RPA1: variants seen among roughly 807,000 people sequenced by gnomAD.
RPA1 encodes replication protein A1.
Under a neutral mutation model 83.0 loss-of-function variants are expected in RPA1, and 49 were observed. The ratio of observed to expected loss-of-function variants is 0.59; its 90% CI spans 0.47 to 0.75. The LOEUF is 0.75. Among genes scored for constraint, RPA1 ranks in the 30% least tolerant of loss-of-function variants. The probability of loss-of-function intolerance (pLI) is 0.00; values close to 1 mark genes in which losing one functional copy is unlikely to be tolerated. For missense variants in RPA1, 693 were observed against 776.1 expected (o/e 0.89, Z 1.27); for synonymous variants, 279 against 281.8 (o/e 0.99, Z 0.10).
chr17:1,881,540 G>A (rs1382376705), intron 12 of RPA1, among the ~76,000 whole-genome samples: 1 of 152,144 alleles, frequency 6.6e-6, no homozygotes, highest in Admixed American at 6.5e-5. Flanking sequence ...ACACGTATCT[G>A]CCGAACTGCA....
At chr17:1,857,936 A>G in intron 5 of RPA1, 1 of 1,579,638 alleles carries the variant, frequency 6.3e-7, no homozygotes. Flanking sequence ...AAGGATCTAA[A>G]CAAATAAGGA....
chr17:1,832,958 G>C (rs1389921361), intron 1 of RPA1, among the ~76,000 whole-genome samples: 1 of 151,994 alleles, frequency 6.6e-6, no homozygotes, highest in African/African-American at 2.4e-5. Flanking sequence ...ACAGAGTCTT[G>C]CTCTGTTGCC....
At position 1,897,256 on chromosome 17, in the gene RPA1, A is replaced by T. The variant is rs111579585; in HGVS notation, c.*81A>T. 4.7e-6 allele frequency: 5 copies of T among 1,071,706 alleles called. No individual in the cohort carries two copies. The South Asian group carries it at 6.1e-5, about 13-fold the overall frequency. The allele number at this position is 1,071,706 out of a possible 1,614,324, so 66.4% of individuals were successfully genotyped here. ...CCTCCCACCTCCGTGTGACGATCCC[A>T]TGTTAGCTACACAGTGCAGAGGCTC... On this transcript the variant is annotated 3_prime_UTR_variant, in exon 17 of 17. Coordinates refer to ENST00000254719, the MANE Select transcript of RPA1 (RefSeq NM_002945.5).
At chr17:1,866,989 T>C (rs1373015846) in intron 5 of RPA1, among the ~76,000 whole-genome samples, 1 of 152,214 alleles carries the variant, frequency 6.6e-6, no homozygotes, top group Non-Finnish European at 1.5e-5. Context: ...TTGCTCTGTA[T>C]TGGTTTTTAG....
At chr17:1,870,058 G>A (rs1913321236) in intron 5 of RPA1, among the ~76,000 whole-genome samples, 1 of 152,114 alleles carries the variant, frequency 6.6e-6, no homozygotes, top group African/African-American at 2.4e-5. Flanking sequence ...AAAAGCCTCG[G>A]TTCAAGCAGA....
At chr17:1,867,947 G>A (rs1392451384) in intron 5 of RPA1, among the ~76,000 whole-genome samples, 3 of 151,812 alleles carry the variant, frequency 2.0e-5, no homozygotes, top group African/African-American at 7.3e-5. Context: ...TAATCCAGGC[G>A]TGATCTCGTG....
intron 1 of RPA1, among the ~76,000 whole-genome samples, chr17:1,838,898 T>G (rs971805922): frequency 6.6e-6 from 1 of 152,214 alleles, no homozygotes; most frequent in African/African-American, 2.4e-5. Context: ...TCACCCAGGC[T>G]GGAGTGCAGT....
chr17:1,830,972 G>T (rs780809978), intron 1 of RPA1, among the ~76,000 whole-genome samples: 2 of 152,006 alleles, frequency 1.3e-5, no homozygotes, highest in Non-Finnish European at 2.9e-5. Context: ...CATCATGTTG[G>T]CCAGGCTGAT....
chr17:1,859,838 A>G (rs1912873361), intron 5 of RPA1, among the ~76,000 whole-genome samples: 1 of 151,806 alleles, frequency 6.6e-6, no homozygotes, highest in Non-Finnish European at 1.5e-5. Context: ...TTTTGAGACG[A>G]AGTCTCACTC....
intron 5 of RPA1, 63 bp downstream of exon 5, chr17:1,853,252 T>C: frequency 3.2e-6 from 4 of 1,265,912 alleles, no homozygotes; most frequent in Non-Finnish European, 4.6e-6. Flanking sequence ...TTCGGAGTTC[T>C]ACCTTTTGGA....
intron 5 of RPA1, among the ~76,000 whole-genome samples, chr17:1,859,937 T>C (rs1360257272): frequency 9.9e-5 from 15 of 152,082 alleles, no homozygotes; most frequent in Non-Finnish European, 2.9e-5. Context: ...CTCAGCCTCC[T>C]GAGTAGCTAG....
Position 1,884,927 on chromosome 17 carries a change from T to A in RPA1, c.1374+983T>A, listed in dbSNP as rs746154097. ...GGGGGTTTGTTTCAGGGTTGATGGC[T>A]GAGCAGTCACGGCGATGGTTGCTGA... On this transcript the variant is annotated intron_variant, in intron 13 of 16. Coordinates refer to ENST00000254719, the MANE Select transcript of RPA1 (RefSeq NM_002945.5). The surrounding 1 kb of genome is among the most constrained non-coding windows in gnomAD (Gnocchi z 4.1). Among the ~76,000 whole-genome samples the A allele has an allele frequency of 6.6e-5, 10 of 152,248 alleles. No homozygotes were observed. The highest frequency in any genetic ancestry group is 5.2e-4 in the Admixed American group (8 of 15,278).
chr17:1,830,800 C>G (rs899558714), intron 1 of RPA1, among the ~76,000 whole-genome samples: 15 of 151,648 alleles, frequency 9.9e-5, no homozygotes, highest in African/African-American at 2.9e-4. Context: ...GCGACACTCA[C>G]TGTCGCCCAG....
chr17:1,848,257 A>G (rs1421112787), intron 4 of RPA1, among the ~76,000 whole-genome samples: 1 of 152,150 alleles, frequency 6.6e-6, no homozygotes, highest in Non-Finnish European at 1.5e-5. Flanking sequence ...TAAACATGTT[A>G]TTTAAAAAGA....
At chr17:1,878,643 G>C in intron 8 of RPA1, among the ~76,000 whole-genome samples, 1 of 152,224 alleles carries the variant, frequency 6.6e-6, no homozygotes, top group East Asian at 1.9e-4. Context: ...GGCTCTGGGC[G>C]TGTCCCTCAG....
chr17:1,879,732 A>G lies in RPA1; in HGVS notation c.1092+33A>G, dbSNP rs760424777. ...CTGGGATGGGGTCTTCAACACGCAC[A>G]GGACCTCCTGGGGTTGGGGCGTGGT... is the stretch of plus-strand genomic sequence containing the variant. On this transcript the variant is annotated intron_variant, in intron 11 of 16. Coordinates refer to ENST00000254719, the MANE Select transcript of RPA1 (RefSeq NM_002945.5). 1.2e-5 allele frequency: 20 copies of G among 1,613,440 alleles called. No individual in the cohort carries two copies. The South Asian group carries it at 2.1e-4, about 17-fold the overall frequency.
chr17:1,895,152 C>T (rs1360629102), intron 16 of RPA1, 57 bp downstream of exon 16: 15 of 1,389,364 alleles, frequency 1.1e-5, no homozygotes, highest in South Asian at 5.9e-5. Context: ...TTGTCACCTA[C>T]GGCAGTGTCG....
At chr17:1,871,664 C>G (rs1039913841) in intron 5 of RPA1, among the ~76,000 whole-genome samples, 1 of 152,210 alleles carries the variant, frequency 6.6e-6, no homozygotes, top group African/African-American at 2.4e-5. Context: ...ACAGTTTTAA[C>G]ATTCTTCAGC....
chr17:1,881,238 T>C (rs745553951), intron 12 of RPA1, among the ~76,000 whole-genome samples: 14 of 152,170 alleles, frequency 9.2e-5, no homozygotes, highest in Non-Finnish European at 1.8e-4. Flanking sequence ...ACATTCAAAC[T>C]CTGTCTTAAA....
Sources: gnomAD v4.1 joint callset for allele counts (sites outside exome capture counted in the v4.1 genomes callset) on GRCh38, gnomAD v4.1.1 for gene constraint, Gnocchi (gnomAD v3.1) non-coding constraint, MANE v1.5 for transcripts, NCBI Gene and HGNC (gene_info 2026-07-23, HGNC 2026-07-21) for gene names.